The following IQCH variants were observed in gnomAD, a reference collection of about 807,000 sequenced individuals.
The protein encoded by IQCH is IQ motif containing H, also known as IQ domain-containing protein H.
In IQCH, 98 loss-of-function variants were observed where a neutral mutation model predicts 117.0. That is an observed-to-expected ratio of 0.84 (90% CI 0.71 to 0.99). IQCH has a LOEUF of 0.99. Ranked by LOEUF, IQCH falls within the 50% of genes least tolerant of loss-of-function variation. The pLI is 0.00. For missense variants in IQCH, 1,102 were observed against 1,243.8 expected, an observed-to-expected ratio of 0.89 and a Z score of 1.72; for synonymous variants, 412 against 448.2, an observed-to-expected ratio of 0.92 and a Z score of 1.02.
rs2082848522 is a variant in IQCH, at chr15:67,463,437, A to G, written c.2506-1690A>G. Among the ~76,000 whole-genome samples the G allele has an allele frequency of 6.6e-6, 1 of 152,334 alleles. No homozygotes were observed. The highest frequency in any genetic ancestry group is 1.9e-4 in the East Asian group (1 of 5,188). On this transcript the variant is annotated intron_variant, in intron 16 of 20. Coordinates refer to ENST00000335894, the MANE Select transcript of IQCH (RefSeq NM_001031715.3). This position sits in a 1 kb window ranked among gnomAD's most constrained non-coding sequence, Gnocchi z 4.0. ...ATAGGATAAGGATTGGCTGGGCCAG[A>G]ATCAGGGAATGGGAAGAAGGTAGAC...
At chr15:67,357,892 C>G (rs564283408) in intron 7 of IQCH, among the ~76,000 whole-genome samples, 2 of 152,068 alleles carry the variant, frequency 1.3e-5, no homozygotes, top group South Asian at 2.1e-4. Context: ...GTCTCACTTA[C>G]TCTGTTGCCC....
At chr15:67,268,740 G>C (rs1175859088) in intron 3 of IQCH, among the ~76,000 whole-genome samples, 3 of 152,088 alleles carry the variant, frequency 2.0e-5, no homozygotes, top group African/African-American at 7.2e-5. Flanking sequence ...GGCTGTTCCA[G>C]TGCAGTTATA....
rs568838395 is a variant in IQCH at position 67,375,566 on chromosome 15, A to T, written c.1372+2133A>T. On this transcript the variant is annotated intron_variant, in intron 10 of 20. Transcript: ENST00000335894. ...ATTCAGTTTAAATAAATACATAATA[A>T]ATATGAAAGTCTTCCCTAATGTAGC... Among the ~76,000 whole-genome samples the T allele has an allele frequency of 3.9e-5, 6 of 152,302 alleles. No homozygotes were observed. The South Asian group carries it at 1.2e-3, about 32-fold the overall frequency.
chr15:67,338,998 C>T (rs6494648), intron 5 of IQCH, among the ~76,000 whole-genome samples: 151,659 of 152,340 alleles, frequency 1, 75,497 homozygotes, highest in Non-Finnish European at 1. Flanking sequence ...CAAGCACCTG[C>T]CCTTTTCCTT....
At chr15:67,375,729 A>G (rs1165483146) in intron 10 of IQCH, among the ~76,000 whole-genome samples, 3 of 151,894 alleles carry the variant, frequency 2.0e-5, no homozygotes, top group Admixed American at 2.0e-4. Context: ...TCAAAAGAGA[A>G]TAATACCTGG....
chr15:67,283,670 A>T (rs867290143), intron 4 of IQCH, among the ~76,000 whole-genome samples: 77 of 152,150 alleles, frequency 5.1e-4, no homozygotes, highest in Middle Eastern at 3.4e-3. Flanking sequence ...GCAATTTTTC[A>T]CTCCATTTCA....
At position 67,373,451 on chromosome 15, in the gene IQCH, G is replaced by A. The variant is rs1242767778; in HGVS notation, c.1372+18G>A. 1.9e-6 allele frequency: 3 copies of A among 1,546,050 alleles called. No homozygotes were observed. Among genetic ancestry groups the A allele is most frequent in the Non-Finnish European group, 2.7e-6 (3 of 1,118,582 alleles). On this transcript the variant is annotated intron_variant, in intron 10 of 20. Transcript: ENST00000335894. ...ATCATTAGGTATAACACTTTTGCCTGCAAATCTATCAGCAACCTCTATTAC... is the reference window on the plus strand; with the variant it reads ...ATCATTAGGTATAACACTTTTGCCTACAAATCTATCAGCAACCTCTATTAC...
rs967710999 is a variant in IQCH at position 67,403,397 on chromosome 15, T to C, written c.2097+3092T>C. On this transcript the variant is annotated intron_variant, in intron 14 of 20. Transcript: ENST00000335894. The surrounding 1 kb of genome is among the most constrained non-coding windows in gnomAD (Gnocchi z 4.8). ...GGTTAAAAAAAAATCAGTAGAGACA[T>C]GTAGGTGATTTTTAGGAAAAGCAGA... 6.6e-6 allele frequency among the ~76,000 whole-genome samples: 1 copy of C among 152,066 alleles called. No homozygotes were observed. The highest frequency in any genetic ancestry group is 2.4e-5 in the African/African-American group (1 of 41,380).
intron 1 of IQCH, 183 bp downstream of exon 1, chr15:67,255,130 G>T (rs1001190468): frequency 6.2e-6 from 4 of 640,812 alleles, no homozygotes; most frequent in South Asian, 1.8e-5. Context: ...CACTCCCGGT[G>T]ACTTACCCTG....
chr15:67,359,715 G>T lies in IQCH; in HGVS notation c.715-132G>T. ...TTTCTAATTATTAGCTCCTGCCTGCGTGGAAAGAGAGAACAGGCTGGCCCA... is the reference window on the plus strand; with the variant it reads ...TTTCTAATTATTAGCTCCTGCCTGCTTGGAAAGAGAGAACAGGCTGGCCCA... On this transcript the variant is annotated intron_variant, in intron 7 of 20. Coordinates refer to ENST00000335894, the MANE Select transcript of IQCH (RefSeq NM_001031715.3). The surrounding 1 kb of genome is among the most constrained non-coding windows in gnomAD (Gnocchi z 4.5). The T allele has an allele frequency of 1.3e-6, 1 of 779,956 alleles. No homozygotes were observed. 48.3% of individuals were successfully genotyped at this position (779,956 alleles called of 1,614,324 possible).
At chr15:67,380,545 C>T (rs1378055532) in intron 10 of IQCH, among the ~76,000 whole-genome samples, 1 of 152,166 alleles carries the variant, frequency 6.6e-6, no homozygotes, top group Non-Finnish European at 1.5e-5. Context: ...TGGTTACAAC[C>T]ACAGTGTCTA....
At position 67,400,748 on chromosome 15, in the gene IQCH, C is replaced by T. The variant is rs186499315; in HGVS notation, c.2097+443C>T. 4.9e-4 allele frequency among the ~76,000 whole-genome samples: 75 copies of T among 151,960 alleles called. 2 individuals are homozygous for T. In the East Asian group the frequency reaches 6.0e-3, roughly 12 times the overall value. ...TCCTGAGCTCAAACGATACACCCAT[C>T]TTAGCCTCCCAAAGTGCTGGGATTA... On this transcript the variant is annotated intron_variant, in intron 14 of 20. Coordinates refer to ENST00000335894, the MANE Select transcript of IQCH (RefSeq NM_001031715.3).
chr15:67,484,103 G>A (rs1185180691), intron 18 of IQCH, among the ~76,000 whole-genome samples: 1 of 146,762 alleles, frequency 6.8e-6, no homozygotes, highest in African/African-American at 2.6e-5. Flanking sequence ...TCCAGCAACA[G>A]CTAAAATCAA....
At position 67,491,632 on chromosome 15, in the gene IQCH, A is replaced by C. The variant is rs1169762403; in HGVS notation, c.2861+1568A>C. ...TTTGTCACACTGCCCTGATAGCAAC[A>C]GAAATGAGACCTCAATCCATAACAT... On this transcript the variant is annotated intron_variant, in intron 19 of 20. Coordinates refer to ENST00000335894, the MANE Select transcript of IQCH (RefSeq NM_001031715.3). This position sits in a 1 kb window ranked among gnomAD's most constrained non-coding sequence, Gnocchi z 4.9. Among the ~76,000 whole-genome samples the C allele has an allele frequency of 6.6e-6, 1 of 152,174 alleles. No individual in the cohort carries two copies. The highest frequency in any genetic ancestry group is 1.9e-4 in the East Asian group (1 of 5,186).
chr15:67,296,853 C>T (rs1450990456), intron 4 of IQCH, among the ~76,000 whole-genome samples: 4 of 152,142 alleles, frequency 2.6e-5, no homozygotes, highest in East Asian at 1.9e-4. Flanking sequence ...CATATACTTC[C>T]TCTTGTTATT....
At chr15:67,288,844 C>T (rs527902430) in intron 4 of IQCH, among the ~76,000 whole-genome samples, 55 of 152,172 alleles carry the variant, frequency 3.6e-4, no homozygotes, top group Admixed American at 9.9e-4. Flanking sequence ...TCATCTGAGA[C>T]AGAAAGAAGC....
rs970394087 is a variant in IQCH, at chr15:67,369,504, GAGAA to G, written c.754-2602_754-2599del. On this transcript the variant is annotated intron_variant, in intron 8 of 20. Coordinates refer to ENST00000335894, the MANE Select transcript of IQCH (RefSeq NM_001031715.3). This position sits in a 1 kb window ranked among gnomAD's most constrained non-coding sequence, Gnocchi z 5.2. Reference sequence around the variant, plus strand: ...GAGGAAGGAAGAGAAAAAGAAAAAAGAGAAAGAAGAGAGGGAAGGGGAAAGAAGG... The same window carrying G: ...GAGGAAGGAAGAGAAAAAGAAAAAAGAGAAGAGAGGGAAGGGGAAAGAAGG... 2.7e-5 allele frequency among the ~76,000 whole-genome samples: 4 copies of G among 150,194 alleles called. No homozygotes were observed. The highest frequency in any genetic ancestry group is 4.9e-5 in the African/African-American group (2 of 40,742).
chr15:67,274,389 A>G (rs1966036408), intron 3 of IQCH, among the ~76,000 whole-genome samples: 1 of 152,086 alleles, frequency 6.6e-6, no homozygotes, highest in South Asian at 2.1e-4. Context: ...TGTGTTCTCA[A>G]ATAGCCTGTC....
chr15:67,288,881 AG>A (rs1966660146), intron 4 of IQCH, among the ~76,000 whole-genome samples: 1 of 152,156 alleles, frequency 6.6e-6, no homozygotes, highest in South Asian at 2.1e-4. Flanking sequence ...TCAAAGAGAA[AG>A]GGTGGGCTTA....
Sources: gnomAD v4.1 joint callset for allele counts (sites outside exome capture counted in the v4.1 genomes callset) on GRCh38, gnomAD v4.1.1 for gene constraint, Gnocchi (gnomAD v3.1) non-coding constraint, MANE v1.5 for transcripts, NCBI Gene and HGNC (gene_info 2026-07-23, HGNC 2026-07-21) for gene names.